Variants in PDK1 observed in about 807,000 individuals in gnomAD.
The protein encoded by PDK1 is [Pyruvate dehydrogenase (acetyl-transferring)] kinase isozyme 1, mitochondrial.
Under a neutral mutation model 54.2 loss-of-function variants are expected in PDK1, and 39 were observed. The observed-to-expected ratio is 0.72, with a 90% CI of 0.56 to 0.94. The LOEUF (loss-of-function observed/expected upper bound fraction) is 0.94, where lower values mean the gene tolerates loss of function less well. Ranked by LOEUF, PDK1 falls within the 40% of genes least tolerant of loss-of-function variation. The pLI is 0.00. For missense variants in PDK1, 552 were observed against 566.0 expected (o/e 0.98, Z 0.25); for synonymous variants, 221 against 207.1 (o/e 1.07, Z -0.58).
chr2:172,615,712 C>T, the PDK1 span, among the ~76,000 whole-genome samples: 5 of 152,038 alleles, frequency 3.3e-5, no homozygotes, highest in South Asian at 2.1e-4. Flanking sequence ...ACAATAATTC[C>T]GTGAACACTT....
At chr2:172,609,626 C>T (rs1303518839), downstream of PDK1, among the ~76,000 whole-genome samples, 10 of 152,274 alleles carry the variant, frequency 6.6e-5, no homozygotes, top group East Asian at 1.9e-3. Context: ...GAAGGAAATG[C>T]GGACACTAGT....
At chr2:172,706,721 G>A in the PDK1 span, among the ~76,000 whole-genome samples, 3 of 152,284 alleles carry the variant, frequency 2.0e-5, no homozygotes, top group South Asian at 4.1e-4. Flanking sequence ...GAGCACCCAC[G>A]CTGGGCTTCA....
the PDK1 span, among the ~76,000 whole-genome samples, chr2:172,616,456 G>A: frequency 4.6e-5 from 7 of 152,286 alleles, no homozygotes; most frequent in African/African-American, 1.7e-4. Context: ...GATACTGTAT[G>A]ATATTGCCAT....
the PDK1 span, among the ~76,000 whole-genome samples, chr2:172,665,648 A>G: frequency 4.3e-4 from 65 of 152,324 alleles, 1 homozygote; most frequent in African/African-American, 1.4e-3. Flanking sequence ...TTTGCCTACC[A>G]GATTCCTTTT....
intron 6 of PDK1, among the ~76,000 whole-genome samples, chr2:172,567,459 C>T (rs1365823401): frequency 6.6e-6 from 1 of 152,176 alleles, no homozygotes; most frequent in African/African-American, 2.4e-5. Flanking sequence ...TGATGAGTCT[C>T]TTTTTCCTGA....
the PDK1 span, among the ~76,000 whole-genome samples, chr2:172,632,799 GTGAAAA>G: frequency 6.6e-6 from 1 of 151,740 alleles, no homozygotes; most frequent in Non-Finnish European, 1.5e-5. Flanking sequence ...GGCCAACATG[GTGAAAA>G]CCCATGTCTT....
At chr2:172,644,216 C>T in the PDK1 span, among the ~76,000 whole-genome samples, 1 of 152,148 alleles carries the variant, frequency 6.6e-6, no homozygotes, top group Non-Finnish European at 1.5e-5. Flanking sequence ...TAAAAATGTA[C>T]CAGAAAAAAA....
the PDK1 span, among the ~76,000 whole-genome samples, chr2:172,620,945 A>G: frequency 2.1e-5 from 3 of 142,628 alleles, no homozygotes; most frequent in South Asian, 6.9e-4. Context: ...AGAATGGCCT[A>G]ATACAGGCTC....
chr2:172,684,362 C>T, the PDK1 span, among the ~76,000 whole-genome samples: 1 of 152,106 alleles, frequency 6.6e-6, no homozygotes, highest in East Asian at 1.9e-4. Flanking sequence ...GTGGAGATTG[C>T]AGTGAGCTGA....
the PDK1 span, among the ~76,000 whole-genome samples, chr2:172,722,122 A>G: frequency 2.9e-3 from 441 of 152,384 alleles, no homozygotes; most frequent in Non-Finnish European, 3.9e-3. Context: ...CACCAGGTGG[A>G]TGCAAATGCC....
At chr2:172,555,377 T>TA (rs1688260694), upstream of PDK1, 1 of 152,068 alleles carries the variant, frequency 6.6e-6, no homozygotes, top group Admixed American at 6.6e-5. Flanking sequence ...AAACAGATAA[T>TA]ATGCTCCTTT....
At chr2:172,571,517 T>G (rs966577524) in intron 8 of PDK1, among the ~76,000 whole-genome samples, 3 of 152,146 alleles carry the variant, frequency 2.0e-5, no homozygotes, top group Non-Finnish European at 2.9e-5. Context: ...GCTGCAGGCA[T>G]GCAAGCCTGG....
At chr2:172,701,642 TGTTTTG>T in the PDK1 span, among the ~76,000 whole-genome samples, 13 of 68,764 alleles carry the variant, frequency 1.9e-4, no homozygotes, top group South Asian at 4.9e-4. Context: ...TTTTTTTTTT[TGTTTTG>T]TTTTTTTTTT....
chr2:172,556,804 G>A (rs1688359676), intron 1 of PDK1, among the ~76,000 whole-genome samples: 1 of 152,184 alleles, frequency 6.6e-6, no homozygotes, highest in African/African-American at 2.4e-5. Context: ...CTGGCCCAGG[G>A]TTTCTTAGAA....
In PDK1 at chr2:172,568,872, C is replaced by T. The variant is rs1689102042; in HGVS notation, c.846+55C>T. The stretch of plus-strand genomic sequence containing the variant: ...CCAGTACTTTTCTGAGGTTAGGAAT[C>T]TGCTCTGAAAGCCAAATATTCCACT... On this transcript the variant is annotated intron_variant, in intron 7 of 10. Transcript: ENST00000282077. 3.7e-6 allele frequency: 4 copies of T among 1,075,794 alleles called. No individual in the cohort carries two copies. In the South Asian group the frequency reaches 5.1e-5, roughly 14 times the overall value. The allele number at this position is 1,075,794 out of a possible 1,614,324, so 66.6% of individuals were successfully genotyped here.
At chr2:172,704,849 A>C in the PDK1 span, among the ~76,000 whole-genome samples, 2 of 152,230 alleles carry the variant, frequency 1.3e-5, no homozygotes, top group African/African-American at 2.4e-5. Context: ...GAAGTTCTAG[A>C]AACTTTTCCC....
At chr2:172,648,003 T>C in the PDK1 span, among the ~76,000 whole-genome samples, 163 of 152,298 alleles carry the variant, frequency 1.1e-3, no homozygotes, top group African/African-American at 3.8e-3. Flanking sequence ...CAAACCTAAA[T>C]TGAGGTACTG....
the PDK1 span, among the ~76,000 whole-genome samples, chr2:172,639,519 G>A: frequency 6.6e-6 from 1 of 152,130 alleles, no homozygotes; most frequent in Non-Finnish European, 1.5e-5. Flanking sequence ...TCTATTCTTT[G>A]CGATTAAAAG....
intron 7 of PDK1, among the ~76,000 whole-genome samples, chr2:172,569,814 G>A (rs940645893): frequency 6.6e-6 from 1 of 152,150 alleles, no homozygotes; most frequent in Non-Finnish European, 1.5e-5. Flanking sequence ...TGGGATTACA[G>A]GCATAAACCA....
Sources: gnomAD v4.1 joint callset for allele counts (sites outside exome capture counted in the v4.1 genomes callset) on GRCh38, gnomAD v4.1.1 for gene constraint, MANE v1.5 for transcripts, NCBI Gene and HGNC (gene_info 2026-07-23, HGNC 2026-07-21) for gene names.